Variants in PGM1 observed in about 807,000 individuals in gnomAD.
PGM1 encodes the protein phosphoglucomutase-1.
Under a neutral mutation model 55.6 loss-of-function variants are expected in PGM1, and 52 were observed. The observed-to-expected ratio is 0.94, with a 90% CI of 0.75 to 1.18. PGM1 has a LOEUF of 1.18. Ranked by LOEUF, PGM1 falls within the 50% of genes most tolerant of loss-of-function variation. The pLI, the probability that PGM1 is intolerant of heterozygous loss-of-function variation, is 0.00. For synonymous variants in PGM1, 287 were observed against 271.7 expected, an observed-to-expected ratio of 1.06 and a Z score of -0.55; for missense variants, 724 against 729.3, an observed-to-expected ratio of 0.99 and a Z score of 0.08.
At chr1:63,598,669 TTTTG>T (rs1240476676) in intron 1 of PGM1, among the ~76,000 whole-genome samples, 1 of 152,214 alleles carries the variant, frequency 6.6e-6, no homozygotes, top group African/African-American at 2.4e-5. Context: ...ATAAAGATTG[TTTTG>T]TTTATTTTGT....
chr1:63,608,851 A>G (rs1648493877), intron 1 of PGM1, among the ~76,000 whole-genome samples: 1 of 152,210 alleles, frequency 6.6e-6, no homozygotes, highest in African/African-American at 2.4e-5. Flanking sequence ...CCATATGTAG[A>G]AGTGGTATTC....
At chr1:63,593,983 G>C (rs2100948457) in intron 1 of PGM1, 2 of 1,175,516 alleles carry the variant, frequency 1.7e-6, no homozygotes, top group African/African-American at 1.6e-5. Context: ...CGGGAGGTGC[G>C]GGCGCGGAGC....
intron 1 of PGM1, among the ~76,000 whole-genome samples, chr1:63,616,852 G>C (rs902948554): frequency 1.3e-5 from 2 of 152,046 alleles, no homozygotes; most frequent in African/African-American, 4.8e-5. Flanking sequence ...CTTTTCTTTA[G>C]AGAACATTTC....
At position 63,593,636 on chromosome 1, in the gene PGM1, G is replaced by C. The variant is rs1213533359; in HGVS notation, c.148G>C (p.Ala50Pro). The change falls in exon 1 of 11, where the codon GCG (alanine) becomes CCG (proline). Residue 50 changes from alanine to proline, a missense_variant. Ala to Pro is a conservative substitution (Grantham distance 27). Coordinates refer to ENST00000371084, the MANE Select transcript of PGM1 (RefSeq NM_002633.3). ...GAGTATCATCTCCACCGTGGAGCCG[G>C]CGCAGCGGCAGGAGGCCACGCTGGT... is the stretch of plus-strand genomic sequence containing the variant. ...IQSIISTVEP[A>P]QRQEATLVVG... The C allele has an allele frequency of 6.2e-7, 1 of 1,611,858 alleles. No individual in the cohort carries two copies. The highest frequency in any genetic ancestry group is 2.2e-5 in the East Asian group (1 of 44,812).
intron 3 of PGM1, among the ~76,000 whole-genome samples, chr1:63,630,359 C>T (rs1467004179): frequency 2.0e-5 from 3 of 152,128 alleles, no homozygotes; most frequent in African/African-American, 7.2e-5. Context: ...GACTAGAAGA[C>T]CTGCAGGATT....
chr1:63,634,927 C>A lies in PGM1; in HGVS notation c.781C>A (p.His261Asn). ...CVPLEDFGGH[H>N]PDPNLTYAAD... ...TCCTCTGGAGGACTTTGGAGGCCAC[C>A]ACCCTGACCCCAACCTCACCTATGC... The change falls in exon 5 of 11, where the codon CAC (histidine) becomes AAC (asparagine). Residue 261 changes from histidine (H) to asparagine (N), a missense_variant. By Grantham distance (68) the His-to-Asn change is moderately conservative. This residue lies in a region of PGM1 where 379 missense variants were observed against 357.5 expected (regional missense o/e 1.06). Coordinates refer to ENST00000371084, the MANE Select transcript of PGM1 (RefSeq NM_002633.3). 1 of 1,613,950 alleles carries A rather than the reference C, an allele frequency of 6.2e-7. No individual in the cohort carries two copies. The highest frequency in any genetic ancestry group is 8.5e-7 in the Non-Finnish European group (1 of 1,179,984).
At chr1:63,637,744 T>A (rs1407510057) in intron 6 of PGM1, among the ~76,000 whole-genome samples, 1 of 152,212 alleles carries the variant, frequency 6.6e-6, no homozygotes, top group African/African-American at 2.4e-5. Context: ...ACCTTCTATG[T>A]CATCCAAGAA....
At chr1:63,638,830 C>T (rs1649434885) in intron 7 of PGM1, 30 bp downstream of exon 7, 1 of 1,429,228 alleles carries the variant, frequency 7.0e-7, no homozygotes, top group Non-Finnish European at 9.9e-7. Flanking sequence ...TAGCATTTTC[C>T]TCCCTGTAAC....
chr1:63,611,613 G>A (rs933576007), intron 1 of PGM1, among the ~76,000 whole-genome samples: 1 of 152,126 alleles, frequency 6.6e-6, no homozygotes, highest in African/African-American at 2.4e-5. Flanking sequence ...AACCTAAAAA[G>A]CTATCTGTAG....
chr1:63,629,652 G>A (rs1649140923), intron 2 of PGM1, 65 bp downstream of exon 2: 2 of 1,495,436 alleles, frequency 1.3e-6, no homozygotes, highest in African/African-American at 1.4e-5. Flanking sequence ...AATACCTGGA[G>A]CCTTGGGAGA....
At chr1:63,628,399 C>T (rs981570476) in intron 1 of PGM1, among the ~76,000 whole-genome samples, 30 of 152,108 alleles carry the variant, frequency 2.0e-4, no homozygotes, top group African/African-American at 6.8e-4. Context: ...GAGTGGTTGA[C>T]GGTTTTCAAT....
intron 1 of PGM1, among the ~76,000 whole-genome samples, chr1:63,614,297 T>G (rs1316259021): frequency 6.6e-6 from 1 of 152,174 alleles, no homozygotes; most frequent in Non-Finnish European, 1.5e-5. Context: ...TGTGCTCTAT[T>G]CCTCAAGACC....
intron 1 of PGM1, among the ~76,000 whole-genome samples, chr1:63,599,627 A>G (rs1184513623): frequency 6.6e-6 from 1 of 152,122 alleles, no homozygotes; most frequent in Non-Finnish European, 1.5e-5. Context: ...CTTGTCTACA[A>G]AAAATAAAAA....
At chr1:63,656,242 C>T (rs1356154168) in intron 10 of PGM1, among the ~76,000 whole-genome samples, 1 of 152,098 alleles carries the variant, frequency 6.6e-6, no homozygotes, top group African/African-American at 2.4e-5. Context: ...TCACCTCACA[C>T]CTGTTAGGAT....
chr1:63,638,621 C>T (rs573796531), intron 6 of PGM1, 64 bp from the exon 7 acceptor site: 159 of 1,028,272 alleles, frequency 1.5e-4, no homozygotes, highest in South Asian at 1.2e-3. Context: ...TGCCCTTTTC[C>T]GTCCCTCACA....
At chr1:63,610,556 CT>C (rs773711360) in intron 1 of PGM1, among the ~76,000 whole-genome samples, 32 of 152,240 alleles carry the variant, frequency 2.1e-4, no homozygotes, top group African/African-American at 7.2e-4. Context: ...TGAGCTGCTT[CT>C]TTACTCATTT....
chr1:63,605,375 G>C (rs1322655026), intron 1 of PGM1, among the ~76,000 whole-genome samples: 1 of 152,108 alleles, frequency 6.6e-6, no homozygotes, highest in Non-Finnish European at 1.5e-5. Flanking sequence ...TTCTCACCTA[G>C]ATAGTTTTGA....
chr1:63,601,337 T>A (rs1570470569), intron 1 of PGM1, among the ~76,000 whole-genome samples: 1 of 152,240 alleles, frequency 6.6e-6, no homozygotes, highest in East Asian at 1.9e-4. Flanking sequence ...GTAAAAAGCC[T>A]ATTTTTAAAT....
chr1:63,638,955 A>G (rs1181011937), intron 7 of PGM1, among the ~76,000 whole-genome samples, 155 bp downstream of exon 7: 1 of 150,396 alleles, frequency 6.6e-6, no homozygotes. Context: ...AAATGTGCAC[A>G]TTTGAAAAGG....
Sources: allele counts gnomAD v4.1 joint callset (sites outside exome capture counted in the v4.1 genomes callset), GRCh38; gene constraint gnomAD v4.1.1; regional missense constraint gnomAD v4.1.1; transcripts MANE v1.5; gene names NCBI Gene and HGNC (gene_info 2026-07-23, HGNC 2026-07-21).